Variants in ADAM7 observed in about 807,000 individuals in gnomAD.
The protein encoded by ADAM7 is ADAM metallopeptidase domain 7.
ADAM7 carries 97 observed loss-of-function variants against 102.9 expected under a neutral mutation model. The observed-to-expected ratio is 0.94, with a 90% CI of 0.80 to 1.12. ADAM7 has a LOEUF of 1.12. ADAM7 is among the 50% of genes most tolerant of loss of function. The pLI, the probability that ADAM7 is intolerant of heterozygous loss-of-function variation, is 0.00. For missense variants in ADAM7, 991 were observed against 908.7 expected, an observed-to-expected ratio of 1.09 and a Z score of -1.16; for synonymous variants, 334 against 304.4, an observed-to-expected ratio of 1.10 and a Z score of -1.01.
At position 24,493,125 on chromosome 8, in the gene ADAM7, G is replaced by T. The variant is rs1333934891; in HGVS notation, c.1738G>T (p.Asp580Tyr). Residue 580 changes from aspartate (D) to tyrosine (Y), a missense_variant, in exon 16 of 22, where the codon GAT (aspartate) becomes TAT (tyrosine). Transcript: ENST00000175238. ...AGAAGACAAGACTTATCACCTTAAGGATCCCCAGAAGAATGCTACTGTCAA... is the reference window on the plus strand; with the variant it reads ...AGAAGACAAGACTTATCACCTTAAGTATCCCCAGAAGAATGCTACTGTCAA... ...LGEDKTYHLKDPQKNATVKCK... is the reference protein window; with the variant it reads ...LGEDKTYHLKYPQKNATVKCK... 1.9e-6 allele frequency: 3 copies of T among 1,613,320 alleles called. No homozygotes were observed. Among genetic ancestry groups the T allele is most frequent in the Non-Finnish European group, 2.5e-6 (3 of 1,179,578 alleles).
At chr8:24,468,481 T>C (rs1236662286) in intron 6 of ADAM7, among the ~76,000 whole-genome samples, 2 of 151,618 alleles carry the variant, frequency 1.3e-5, no homozygotes, top group Admixed American at 1.3e-4. Flanking sequence ...CCACATATCC[T>C]GCACATGTAC....
At chr8:24,485,710 T>C (rs997908640) in intron 10 of ADAM7, among the ~76,000 whole-genome samples, 5 of 152,142 alleles carry the variant, frequency 3.3e-5, no homozygotes, top group African/African-American at 1.2e-4. Context: ...AGGATAATTG[T>C]TCTAGTGCTG....
intron 20 of ADAM7, among the ~76,000 whole-genome samples, chr8:24,503,876 G>A (rs1563399367): frequency 1.3e-5 from 2 of 151,858 alleles, no homozygotes; most frequent in East Asian, 3.9e-4. Flanking sequence ...AGGCCTGTCG[G>A]GGGATGGGGA....
intron 20 of ADAM7, among the ~76,000 whole-genome samples, chr8:24,506,836 G>A (rs1458389330): frequency 6.6e-6 from 1 of 151,266 alleles, no homozygotes; most frequent in Non-Finnish European, 1.5e-5. Context: ...CAAATGACTA[G>A]AATCTCTATC....
chr8:24,507,371 G>A, intron 20 of ADAM7, 109 bp from the exon 21 acceptor site: 1 of 796,230 alleles, frequency 1.3e-6, no homozygotes, highest in Non-Finnish European at 2.1e-6. Context: ...GAGGTGGCCT[G>A]CGTGTGTATG....
At position 24,487,187 on chromosome 8, in the gene ADAM7, G is replaced by A. The variant is rs751999467; in HGVS notation, c.961G>A (p.Asp321Asn). ...LPYYSTSIIK[D>N]LLPDTNIIAN... ...TCTAATGCAATTGTTTTATCATCAG[G>A]ATCTTTTACCTGACACAAACATAAT... Residue 321 changes from aspartate to asparagine, a missense_variant and splice_region_variant, in exon 11 of 22, where the codon GAT (aspartate) becomes AAT (asparagine). Coordinates refer to ENST00000175238, the MANE Select transcript of ADAM7 (RefSeq NM_003817.4). 6 of 1,612,974 alleles carry A rather than the reference G, an allele frequency of 3.7e-6. No homozygotes were observed. The African/African-American group carries it at 8.0e-5, about 22-fold the overall frequency.
chr8:24,493,133 G>C lies in ADAM7; in HGVS notation c.1746G>C (p.Gln582His). Residue 582 changes from glutamine to histidine, a missense_variant, in exon 16 of 22, where the codon CAG becomes CAC. Coordinates refer to ENST00000175238, the MANE Select transcript of ADAM7 (RefSeq NM_003817.4). ...AGACTTATCACCTTAAGGATCCCCA[G>C]AAGAATGCTACTGTCAAATGCAAAA... ...EDKTYHLKDP[Q>H]KNATVKCKTI... 7 of 1,613,392 alleles carry C rather than the reference G, an allele frequency of 4.3e-6. No homozygotes were observed. Among genetic ancestry groups the C allele is most frequent in the Non-Finnish European group, 5.9e-6 (7 of 1,179,638 alleles).
At chr8:24,480,930 T>C (rs1173630059) in intron 8 of ADAM7, among the ~76,000 whole-genome samples, 3 of 152,024 alleles carry the variant, frequency 2.0e-5, no homozygotes. Flanking sequence ...GGCACAGTGG[T>C]GTGTGCCTGT....
At chr8:24,490,083 T>G (rs1820289342) in intron 12 of ADAM7, among the ~76,000 whole-genome samples, 2 of 152,144 alleles carry the variant, frequency 1.3e-5, no homozygotes, top group Non-Finnish European at 2.9e-5. Context: ...AATTTTAGTA[T>G]CTACAGTCTA....
chr8:24,460,702 C>CAT (rs938454924), intron 3 of ADAM7, among the ~76,000 whole-genome samples: 7 of 150,308 alleles, frequency 4.7e-5, no homozygotes, highest in African/African-American at 7.3e-5. Context: ...GAAAAGTTGC[C>CAT]ATATATATAT....
chr8:24,491,330 T>C (rs1251397612), intron 13 of ADAM7, among the ~76,000 whole-genome samples: 1 of 152,182 alleles, frequency 6.6e-6, no homozygotes, highest in Admixed American at 6.6e-5. Context: ...TACTGACACT[T>C]CTTTCACTCA....
chr8:24,443,613 T>G (rs967463469), intron 2 of ADAM7, among the ~76,000 whole-genome samples: 1 of 152,174 alleles, frequency 6.6e-6, no homozygotes, highest in South Asian at 2.1e-4. Flanking sequence ...TCACGACTAC[T>G]GTCCTAAGAC....
intron 16 of ADAM7, among the ~76,000 whole-genome samples, chr8:24,498,826 A>G (rs1001742242): frequency 1.3e-5 from 2 of 151,948 alleles, no homozygotes; most frequent in Non-Finnish European, 2.9e-5. Flanking sequence ...TGATATTAAT[A>G]AAATGACCAT....
Position 24,500,856 on chromosome 8 carries a change from T to G in ADAM7, c.2069T>G (p.Val690Gly). The stretch of plus-strand genomic sequence containing the variant: ...GGTATCGGAGTTCTTATACTATTAG[T>G]TCGTTACCGAAAATGTATCAAGTTG... ...IVGIGVLILL[V>G]RYRKCIKLKQ... Residue 690 changes from valine to glycine, a missense_variant, in exon 19 of 22, where the codon GTT becomes GGT. By Grantham distance (109) the Val-to-Gly change is moderately radical (BLOSUM62 -3). Transcript: ENST00000175238. 6.2e-7 allele frequency: 1 copy of G among 1,613,346 alleles called. No individual in the cohort carries two copies. Among genetic ancestry groups the G allele is most frequent in the South Asian group, 1.1e-5 (1 of 91,020 alleles).
chr8:24,462,884 C>A (rs1226471915), intron 3 of ADAM7, among the ~76,000 whole-genome samples: 1 of 151,998 alleles, frequency 6.6e-6, no homozygotes, highest in African/African-American at 2.4e-5. Flanking sequence ...CATGGGTGAA[C>A]AAATGATAAT....
At chr8:24,450,303 C>G (rs200338502) in intron 3 of ADAM7, among the ~76,000 whole-genome samples, 1 of 152,112 alleles carries the variant, frequency 6.6e-6, no homozygotes, top group Non-Finnish European at 1.5e-5. Context: ...TCTTCCATTT[C>G]TTTGTATCCT....
At chr8:24,482,440 A>G (rs1819986560) in intron 9 of ADAM7, 129 bp downstream of exon 9, 1 of 898,490 alleles carries the variant, frequency 1.1e-6, no homozygotes, top group South Asian at 1.6e-5. Flanking sequence ...ACAAAATGTT[A>G]TTTGTAGCTA....
chr8:24,489,288 C>T lies in ADAM7; in HGVS notation c.1221C>T (p.Asn407=). ...TTCATGATTTCCAATTTTGTGGAAA[C>T]AAGAAGTTGGATGAGGGTGAAGAGT... ...YNFHDFQFCG[N]KKLDEGEECD... The change falls in exon 12 of 22, where the codon AAC becomes AAT. Residue 407 remains asparagine, a synonymous_variant. Coordinates refer to ENST00000175238, the MANE Select transcript of ADAM7 (RefSeq NM_003817.4). 6.2e-7 allele frequency: 1 copy of T among 1,613,456 alleles called. No homozygotes were observed. The highest frequency in any genetic ancestry group is 8.5e-7 in the Non-Finnish European group (1 of 1,179,656).
At chr8:24,443,964 TA>T (rs1352225847) in intron 2 of ADAM7, among the ~76,000 whole-genome samples, 1 of 150,422 alleles carries the variant, frequency 6.6e-6, no homozygotes. Context: ...TAAAATAAAA[TA>T]AAATAAAATA....
Sources: gnomAD v4.1 joint callset for allele counts (sites outside exome capture counted in the v4.1 genomes callset) on GRCh38, gnomAD v4.1.1 for gene constraint, MANE v1.5 for transcripts, NCBI Gene and HGNC (gene_info 2026-07-23, HGNC 2026-07-21) for gene names.